DCC: variants seen among roughly 807,000 people sequenced by gnomAD.
DCC encodes netrin receptor DCC.
DCC carries 58 observed loss-of-function variants against 172.5 expected under a neutral mutation model. The ratio of observed to expected loss-of-function variants is 0.34; its 90% CI spans 0.27 to 0.42. The LOEUF is 0.42. DCC is among the 10% of genes least tolerant of loss of function. The pLI is 1.00. For synonymous variants in DCC, 709 were observed against 644.5 expected (o/e 1.10, Z -1.52); for missense variants, 1,740 against 1,791.0 (o/e 0.97, Z 0.51).
rs770348928 is a variant in DCC, at chr18:52,588,139, C to T, written c.92-163915C>T. On this transcript the variant is annotated intron_variant, in intron 1 of 28. Transcript: ENST00000442544. Reference sequence around the variant, plus strand: ...AGTCCAGTAACAGGCCAAGAGCTGTCTCTTAAACAGAGAGTAGTTATCTGC... The same window carrying T: ...AGTCCAGTAACAGGCCAAGAGCTGTTTCTTAAACAGAGAGTAGTTATCTGC... Among the ~76,000 whole-genome samples, 11 of 152,336 alleles carry T rather than the reference C, an allele frequency of 7.2e-5. No homozygotes were observed. In the South Asian group the frequency reaches 2.3e-3, roughly 32 times the overall value.
At chr18:52,949,459 T>C (rs1453118571) in intron 5 of DCC, among the ~76,000 whole-genome samples, 1 of 152,200 alleles carries the variant, frequency 6.6e-6, no homozygotes, top group African/African-American at 2.4e-5. Flanking sequence ...TACTCAAGGT[T>C]TTATCCTTCC....
chr18:53,095,945 A>G (rs1385777061), intron 7 of DCC, among the ~76,000 whole-genome samples: 5 of 152,024 alleles, frequency 3.3e-5, no homozygotes, highest in Admixed American at 6.6e-5. Flanking sequence ...GCAAGAAATA[A>G]TATGGAAAAA....
At chr18:52,789,336 G>A (rs1291883230) in intron 2 of DCC, among the ~76,000 whole-genome samples, 1 of 151,936 alleles carries the variant, frequency 6.6e-6, no homozygotes, top group Non-Finnish European at 1.5e-5. Context: ...TTGTCTTAGG[G>A]CCTCTCATGT....
intron 3 of DCC, among the ~76,000 whole-genome samples, chr18:52,908,862 A>T (rs913546775): frequency 6.6e-6 from 1 of 152,230 alleles, no homozygotes; most frequent in African/African-American, 2.4e-5. Context: ...ATTCAAATAT[A>T]AACTTTAGAA....
intron 1 of DCC, among the ~76,000 whole-genome samples, chr18:52,698,756 G>A (rs1459496097): frequency 2.4e-5 from 3 of 127,192 alleles, no homozygotes; most frequent in African/African-American, 6.0e-5. Context: ...CCGCCACCAC[G>A]CCTGGCTATT....
At chr18:53,184,416 C>T (rs991880839) in intron 9 of DCC, among the ~76,000 whole-genome samples, 10 of 152,016 alleles carry the variant, frequency 6.6e-5, no homozygotes, top group African/African-American at 2.4e-4. Flanking sequence ...ATAATAGTGT[C>T]TTACACACCT....
At chr18:52,889,082 G>A (rs1289299275) in intron 2 of DCC, among the ~76,000 whole-genome samples, 1 of 151,990 alleles carries the variant, frequency 6.6e-6, no homozygotes, top group Non-Finnish European at 1.5e-5. Context: ...GCATTTAGAT[G>A]GAAATGTGTT....
intron 14 of DCC, among the ~76,000 whole-genome samples, chr18:53,322,442 A>G: frequency 6.6e-6 from 1 of 152,162 alleles, no homozygotes; most frequent in Non-Finnish European, 1.5e-5. Context: ...TTTTCTATTT[A>G]TTTTATTTTG....
At chr18:52,932,893 T>C (rs2040328857) in intron 5 of DCC, among the ~76,000 whole-genome samples, 1 of 152,002 alleles carries the variant, frequency 6.6e-6, no homozygotes, top group Non-Finnish European at 1.5e-5. Flanking sequence ...CAAATGCATA[T>C]GATTATCTCA....
chr18:52,530,247 A>G (rs1231062049), intron 1 of DCC, among the ~76,000 whole-genome samples: 1 of 152,204 alleles, frequency 6.6e-6, no homozygotes, highest in African/African-American at 2.4e-5. Flanking sequence ...ACACACACGC[A>G]CACACACAAA....
intron 13 of DCC, among the ~76,000 whole-genome samples, chr18:53,313,456 A>G (rs540619975): frequency 4.3e-4 from 66 of 152,132 alleles, no homozygotes; most frequent in African/African-American, 1.5e-3. Flanking sequence ...ATGTTGACCA[A>G]GCTGGTCTGG....
chr18:52,794,575 G>A (rs2037837042), intron 2 of DCC, among the ~76,000 whole-genome samples: 1 of 151,536 alleles, frequency 6.6e-6, no homozygotes, highest in South Asian at 2.1e-4. Context: ...AGATAATGTT[G>A]TCTGCAAAGA....
At chr18:52,796,160 T>A (rs772032930) in intron 2 of DCC, among the ~76,000 whole-genome samples, 1 of 150,948 alleles carries the variant, frequency 6.6e-6, no homozygotes, top group Admixed American at 6.6e-5. Context: ...GTTAGTTTCT[T>A]ATCGGTGGCA....
chr18:52,768,929 T>TATCA (rs1392317994), intron 2 of DCC, among the ~76,000 whole-genome samples: 1 of 152,178 alleles, frequency 6.6e-6, no homozygotes, highest in African/African-American at 2.4e-5. Flanking sequence ...GGCCATTTGA[T>TATCA]ATCAGACCTT....
chr18:52,902,222 A>G (rs1296764166), intron 2 of DCC, among the ~76,000 whole-genome samples: 1 of 152,220 alleles, frequency 6.6e-6, no homozygotes, highest in Non-Finnish European at 1.5e-5. Flanking sequence ...TATTAAACAA[A>G]AAACTCTTTG....
chr18:52,796,267 A>G (rs1653124304), intron 2 of DCC, among the ~76,000 whole-genome samples: 2 of 150,154 alleles, frequency 1.3e-5, no homozygotes, highest in Non-Finnish European at 1.5e-5. Context: ...GTGAGGACTT[A>G]CTCTTGTCAT....
chr18:53,260,253 C>G (rs138179965), intron 12 of DCC, among the ~76,000 whole-genome samples: 7 of 152,294 alleles, frequency 4.6e-5, no homozygotes, highest in African/African-American at 1.7e-4. Flanking sequence ...TGAGGAGCTG[C>G]ATTCCTTTAG....
intron 1 of DCC, among the ~76,000 whole-genome samples, chr18:52,563,704 G>A (rs898585196): frequency 6.6e-6 from 1 of 152,138 alleles, no homozygotes; most frequent in Non-Finnish European, 1.5e-5. Flanking sequence ...TAAAAATTAT[G>A]CAGGTAGATT....
intron 5 of DCC, among the ~76,000 whole-genome samples, chr18:53,031,711 A>C (rs1051738635): frequency 6.6e-6 from 1 of 152,148 alleles, no homozygotes; most frequent in African/African-American, 2.4e-5. Context: ...ACCAATCTAA[A>C]ATTATGTTTA....
Sources: gnomAD v4.1 joint callset for allele counts (sites outside exome capture counted in the v4.1 genomes callset) on GRCh38, gnomAD v4.1.1 for gene constraint, MANE v1.5 for transcripts, NCBI Gene and HGNC (gene_info 2026-07-23, HGNC 2026-07-21) for gene names.